The following ATL1 variants were observed in gnomAD, a reference collection of about 807,000 sequenced individuals.
ATL1 encodes atlastin GTPase 1.
In ATL1, 31 loss-of-function variants were observed where a neutral mutation model predicts 75.5. The ratio of observed to expected loss-of-function variants is 0.41; its 90% CI spans 0.31 to 0.55. ATL1 has a LOEUF of 0.55. Ranked by LOEUF, ATL1 falls within the 20% of genes least tolerant of loss-of-function variation. The probability of loss-of-function intolerance (pLI) is 0.27; values close to 1 mark genes in which losing one functional copy is unlikely to be tolerated. For synonymous variants in ATL1, 226 were observed against 233.3 expected (o/e 0.97, Z 0.28); for missense variants, 405 against 662.6 (o/e 0.61, Z 4.27).
upstream of ATL1, chr14:50,558,953 A>G (rs2038799019): frequency 6.6e-6 from 1 of 152,240 alleles, no homozygotes; most frequent in Non-Finnish European, 1.5e-5. Context: ...AATATAATGC[A>G]TAAGATTTGG....
At chr14:50,620,915 T>C (rs1287596373) in intron 9 of ATL1, among the ~76,000 whole-genome samples, 189 bp downstream of exon 9, 2 of 152,230 alleles carry the variant, frequency 1.3e-5, no homozygotes, top group Non-Finnish European at 2.9e-5. Flanking sequence ...TCTGAAATTA[T>C]TCTTTTGAGG....
chr14:50,593,949 T>A, intron 5 of ATL1, 53 bp downstream of exon 5: 3 of 1,288,954 alleles, frequency 2.3e-6, no homozygotes, highest in Non-Finnish European at 3.4e-6. Flanking sequence ...GAAACATGTA[T>A]AGCAGAACTT....
intron 1 of ATL1, among the ~76,000 whole-genome samples, chr14:50,585,812 A>G (rs2039095969): frequency 1.3e-5 from 2 of 152,188 alleles, no homozygotes; most frequent in East Asian, 1.9e-4. Flanking sequence ...TGAAATGGCA[A>G]TATAGAAGCT....
chr14:50,610,865 C>G (rs969048234), intron 6 of ATL1, among the ~76,000 whole-genome samples: 1 of 152,014 alleles, frequency 6.6e-6, no homozygotes, highest in Admixed American at 6.6e-5. Context: ...TTTCTTTTTC[C>G]GTCTAGTTCC....
At chr14:50,569,789 C>T (rs1422498209) in intron 1 of ATL1, among the ~76,000 whole-genome samples, 1 of 152,134 alleles carries the variant, frequency 6.6e-6, no homozygotes, top group East Asian at 1.9e-4. Flanking sequence ...ATTTATTCCT[C>T]ATTTTTGAGG....
intron 4 of ATL1, chr14:50,591,966 G>T: frequency 4.4e-6 from 1 of 229,570 alleles, no homozygotes; most frequent in Middle Eastern, 1.6e-3. Flanking sequence ...ACCATCTATT[G>T]TAAGTTATGT....
intron 1 of ATL1, among the ~76,000 whole-genome samples, chr14:50,570,456 G>A (rs986676321): frequency 1.3e-5 from 2 of 152,010 alleles, no homozygotes; most frequent in Non-Finnish European, 2.9e-5. Flanking sequence ...ACTCACTGCA[G>A]CCTCAAAATC....
At chr14:50,610,135 A>G (rs751146991) in intron 6 of ATL1, among the ~76,000 whole-genome samples, 1 of 152,118 alleles carries the variant, frequency 6.6e-6, no homozygotes, top group Non-Finnish European at 1.5e-5. Context: ...TGAGGAAACA[A>G]TAAATGTAAT....
intron 1 of ATL1, 99 bp from the exon 2 acceptor site, chr14:50,587,732 G>C: frequency 6.7e-7 from 1 of 1,490,788 alleles, no homozygotes; most frequent in Non-Finnish European, 9.3e-7. Context: ...TATAATTCCA[G>C]TATGCTCCTG....
chr14:50,625,915 A>AG (rs1180985316), intron 11 of ATL1, among the ~76,000 whole-genome samples: 5 of 142,290 alleles, frequency 3.5e-5, no homozygotes, highest in Admixed American at 7.0e-5. Context: ...AAAAAAAAAG[A>AG]AAAAAAAAAT....
At chr14:50,573,023 A>G (rs2038968328) in intron 1 of ATL1, among the ~76,000 whole-genome samples, 1 of 152,182 alleles carries the variant, frequency 6.6e-6, no homozygotes, top group Non-Finnish European at 1.5e-5. Flanking sequence ...AAAGCCCCTT[A>G]CAAAACCATC....
intron 5 of ATL1, 52 bp from the exon 6 acceptor site, chr14:50,595,524 C>G: frequency 1.5e-5 from 18 of 1,196,506 alleles, no homozygotes; most frequent in Non-Finnish European, 1.8e-5. Flanking sequence ...AAAGTTCTCT[C>G]TCTCTCTCTC....
chr14:50,601,541 G>A (rs889706906), intron 6 of ATL1, among the ~76,000 whole-genome samples: 28 of 152,132 alleles, frequency 1.8e-4, no homozygotes, highest in Non-Finnish European at 3.1e-4. Flanking sequence ...CTACCATGAC[G>A]TCAACCAACT....
chr14:50,628,611 C>G, intron 12 of ATL1, 149 bp downstream of exon 12: 3 of 775,836 alleles, frequency 3.9e-6, no homozygotes, highest in Non-Finnish European at 6.8e-6. Context: ...ATACAAGCAA[C>G]TAACTATATA....
intron 6 of ATL1, among the ~76,000 whole-genome samples, chr14:50,610,907 C>T (rs1198848676): frequency 6.6e-6 from 1 of 152,132 alleles, no homozygotes; most frequent in African/African-American, 2.4e-5. Flanking sequence ...CTCTCCAATT[C>T]CCTCTGGTTC....
intron 1 of ATL1, among the ~76,000 whole-genome samples, chr14:50,543,182 A>G (rs543955820): frequency 6.6e-6 from 1 of 152,366 alleles, no homozygotes; most frequent in Non-Finnish European, 1.5e-5. Flanking sequence ...GTAAGCTAAC[A>G]TTAGATTCAA....
intron 1 of ATL1, among the ~76,000 whole-genome samples, chr14:50,569,836 G>A (rs2038938514): frequency 6.6e-6 from 1 of 151,872 alleles, no homozygotes; most frequent in East Asian, 1.9e-4. Flanking sequence ...TAGTTGACAG[G>A]TTTTTTTTCT....
intron 1 of ATL1, among the ~76,000 whole-genome samples, chr14:50,553,551 T>G (rs1057270883): frequency 6.6e-6 from 1 of 152,106 alleles, no homozygotes; most frequent in African/African-American, 2.4e-5. Flanking sequence ...GGATACCCCT[T>G]AAAGAACTAA....
chr14:50,625,880 G>A (rs1269559243), intron 11 of ATL1, among the ~76,000 whole-genome samples: 6 of 148,870 alleles, frequency 4.0e-5, no homozygotes, highest in East Asian at 2.0e-4. Flanking sequence ...ACCAGCCTGG[G>A]TGACAGAGTG....
Sources: gnomAD v4.1 joint callset for allele counts (sites outside exome capture counted in the v4.1 genomes callset) on GRCh38, gnomAD v4.1.1 for gene constraint, MANE v1.5 for transcripts, NCBI Gene and HGNC (gene_info 2026-07-23, HGNC 2026-07-21) for gene names.